CFAP299: variants seen among roughly 807,000 people sequenced by gnomAD.
CFAP299 encodes cilia and flagella associated protein 299.
A neutral mutation model predicts 27.0 loss-of-function variants in CFAP299; 21 were observed. That is an observed-to-expected ratio of 0.78 (90% CI 0.55 to 1.12). CFAP299 has a LOEUF of 1.12. Ranked by LOEUF, CFAP299 falls within the 50% of genes most tolerant of loss-of-function variation. The pLI is 0.00. For synonymous variants in CFAP299, 104 were observed against 98.1 expected, an observed-to-expected ratio of 1.06 and a Z score of -0.36; for missense variants, 310 against 276.6, an observed-to-expected ratio of 1.12 and a Z score of -0.86.
intron 1 of CFAP299, among the ~76,000 whole-genome samples, chr4:80,352,027 A>T (rs1560525583): frequency 6.6e-6 from 1 of 151,994 alleles, no homozygotes; most frequent in Non-Finnish European, 1.5e-5. Flanking sequence ...TATTAATATC[A>T]GGCAAAGTAG....
rs574138771 is a variant in CFAP299, at chr4:80,735,235, T to C, written c.334-134758T>C. ...GTAAATTAGATCACTTTATTTCTTT[T>C]TCAGATTGTTCACTGTCAGCATATA... On this transcript the variant is annotated intron_variant, in intron 3 of 5. Transcript: ENST00000358105. Among the ~76,000 whole-genome samples, 10 of 152,280 alleles carry C rather than the reference T, an allele frequency of 6.6e-5. No homozygotes were observed. The South Asian group carries it at 2.1e-3, about 32-fold the overall frequency.
upstream of CFAP299, among the ~76,000 whole-genome samples, chr4:80,331,812 A>G (rs1721952708): frequency 1.3e-5 from 2 of 152,222 alleles, no homozygotes; most frequent in Non-Finnish European, 2.9e-5. Flanking sequence ...TTATATAGAT[A>G]GAGGAACCAT....
intron 3 of CFAP299, among the ~76,000 whole-genome samples, chr4:80,808,135 T>C (rs577040250): frequency 6.6e-6 from 1 of 152,256 alleles, no homozygotes; most frequent in Non-Finnish European, 1.5e-5. Flanking sequence ...AAAGTTCATA[T>C]AGTTACATTT....
chr4:80,734,715 A>C (rs939245172), intron 3 of CFAP299, among the ~76,000 whole-genome samples: 1 of 152,146 alleles, frequency 6.6e-6, no homozygotes, highest in Admixed American at 6.6e-5. Context: ...CTGATCATTG[A>C]AGAGACTGTC....
intron 2 of CFAP299, among the ~76,000 whole-genome samples, chr4:80,487,172 G>C (rs965357603): frequency 6.6e-6 from 1 of 152,102 alleles, no homozygotes; most frequent in Non-Finnish European, 1.5e-5. Context: ...CCTTTAACAA[G>C]AATTTCTGTG....
chr4:80,874,338 C>A (rs1050259114), intron 4 of CFAP299, among the ~76,000 whole-genome samples: 1 of 152,130 alleles, frequency 6.6e-6, no homozygotes, highest in African/African-American at 2.4e-5. Flanking sequence ...CTCCTTGATA[C>A]GCAAAGTATA....
At chr4:80,390,810 TAC>T (rs1338889995) in intron 2 of CFAP299, among the ~76,000 whole-genome samples, 11 of 138,048 alleles carry the variant, frequency 8.0e-5, no homozygotes, top group East Asian at 2.2e-4. Context: ...TATATATGTA[TAC>T]ACACATATAT....
chr4:80,723,188 G>A (rs769870819), intron 3 of CFAP299, among the ~76,000 whole-genome samples: 1 of 152,074 alleles, frequency 6.6e-6, no homozygotes, highest in Non-Finnish European at 1.5e-5. Context: ...GAACTTTTTG[G>A]TAGTTTTTAA....
intron 3 of CFAP299, among the ~76,000 whole-genome samples, chr4:80,666,422 C>T (rs980399741): frequency 4.6e-5 from 7 of 152,126 alleles, no homozygotes; most frequent in Admixed American, 3.3e-4. Context: ...TACTGGAGAT[C>T]GCCACTGGGT....
upstream of CFAP299, among the ~76,000 whole-genome samples, chr4:80,334,645 C>A (rs959534614): frequency 6.6e-6 from 1 of 152,012 alleles, no homozygotes; most frequent in Non-Finnish European, 1.5e-5. Context: ...AAATTGCATT[C>A]AAAAATAAGG....
intron 2 of CFAP299, among the ~76,000 whole-genome samples, chr4:80,369,977 A>G (rs1463618052): frequency 6.6e-6 from 1 of 152,210 alleles, no homozygotes; most frequent in East Asian, 1.9e-4. Context: ...CTGTAAAGAA[A>G]TATCTGAGAC....
At chr4:80,691,673 A>C (rs543253284) in intron 3 of CFAP299, among the ~76,000 whole-genome samples, 1 of 150,564 alleles carries the variant, frequency 6.6e-6, no homozygotes, top group South Asian at 2.1e-4. Flanking sequence ...TATTCAACAT[A>C]GTGTTGGAAG....
chr4:80,877,360 T>C (rs1208998553), intron 4 of CFAP299, among the ~76,000 whole-genome samples: 1 of 152,236 alleles, frequency 6.6e-6, no homozygotes, highest in Non-Finnish European at 1.5e-5. Flanking sequence ...ATACTGTGCA[T>C]ATAACCCATA....
intron 2 of CFAP299, among the ~76,000 whole-genome samples, chr4:80,465,275 C>G (rs1340332255): frequency 6.6e-6 from 1 of 152,108 alleles, no homozygotes; most frequent in African/African-American, 2.4e-5. Context: ...CTAGAAAACT[C>G]ATAAGTAAAC....
intron 3 of CFAP299, among the ~76,000 whole-genome samples, chr4:80,824,704 C>G (rs1417094018): frequency 6.6e-6 from 1 of 152,046 alleles, no homozygotes; most frequent in Non-Finnish European, 1.5e-5. Flanking sequence ...GTTTACATGT[C>G]AGGCATGACA....
intron 4 of CFAP299, among the ~76,000 whole-genome samples, chr4:80,930,566 GAC>G (rs1023023886): frequency 9.9e-5 from 15 of 152,110 alleles, no homozygotes; most frequent in Non-Finnish European, 1.5e-5. Context: ...ACTGAAATAA[GAC>G]AGCCAGCTGC....
At chr4:80,498,260 A>G (rs1226474568) in intron 2 of CFAP299, among the ~76,000 whole-genome samples, 2 of 152,188 alleles carry the variant, frequency 1.3e-5, no homozygotes, top group African/African-American at 2.4e-5. Flanking sequence ...ACCTAATTAA[A>G]CTAAAGAGCT....
intron 3 of CFAP299, among the ~76,000 whole-genome samples, chr4:80,747,947 C>G (rs75117043): frequency 6.6e-6 from 1 of 152,026 alleles, no homozygotes; most frequent in African/African-American, 2.4e-5. Flanking sequence ...GATCAAACAT[C>G]TTTCTGAATT....
intron 2 of CFAP299, among the ~76,000 whole-genome samples, chr4:80,470,465 T>TGTAA (rs34771658): frequency 0.41 from 62,235 of 151,764 alleles, 14,869 homozygotes; most frequent in African/African-American, 0.67. Context: ...TATCATTTTA[T>TGTAA]GTATTACCTT....
Sources: allele counts gnomAD v4.1 joint callset (sites outside exome capture counted in the v4.1 genomes callset), GRCh38; gene constraint gnomAD v4.1.1; transcripts MANE v1.5; gene names NCBI Gene and HGNC (gene_info 2026-07-23, HGNC 2026-07-21).